The following MICAL2 variants were observed in gnomAD, a reference collection of about 807,000 sequenced individuals.
MICAL2 encodes the protein [F-actin]-monooxygenase MICAL2.
Under a neutral mutation model 127.3 loss-of-function variants are expected in MICAL2, and 77 were observed. The observed-to-expected ratio is 0.60, with a 90% CI of 0.50 to 0.73. The LOEUF (loss-of-function observed/expected upper bound fraction) is 0.73. Among genes scored for constraint, MICAL2 ranks in the 30% least tolerant of loss-of-function variants. The pLI is 0.00. For missense variants in MICAL2, 1,351 were observed against 1,434.4 expected (o/e 0.94, Z 0.94); for synonymous variants, 570 against 551.1 (o/e 1.03, Z -0.48).
At chr11:12,357,961 C>G (rs78624412) in intron 34 of MICAL2, among the ~76,000 whole-genome samples, 3,623 of 152,166 alleles carry the variant, frequency 0.024, 161 homozygotes, top group African/African-American at 0.083. Flanking sequence ...TGGAAACCGC[C>G]TTTTTTGTTG....
intron 15 of MICAL2, among the ~76,000 whole-genome samples, chr11:12,235,219 C>T (rs1858870152): frequency 6.6e-6 from 1 of 152,130 alleles, no homozygotes; most frequent in South Asian, 2.1e-4. Context: ...TCAGTCTTTC[C>T]CACTCCAGCC....
At chr11:12,248,278 G>T (rs1565246286) in intron 21 of MICAL2, among the ~76,000 whole-genome samples, 1 of 152,144 alleles carries the variant, frequency 6.6e-6, no homozygotes, top group Non-Finnish European at 1.5e-5. Flanking sequence ...CAGATCCTTG[G>T]CAGAGTCTGT....
intron 1 of MICAL2, among the ~76,000 whole-genome samples, chr11:12,127,050 G>A (rs750760554): frequency 6.6e-6 from 1 of 152,200 alleles, no homozygotes; most frequent in Non-Finnish European, 1.5e-5. Context: ...GGCTAGGCAG[G>A]TGAGTTTAGG....
At position 12,226,326 on chromosome 11, in the gene MICAL2, C is replaced by T. The variant is rs559345801; in HGVS notation, c.1844C>T (p.Ser615Phe). The change falls in exon 14 of 28, where the codon TCC (serine) becomes TTC (phenylalanine). Residue 615 changes from serine (S) to phenylalanine (F), a missense_variant. Ser to Phe is a radical substitution (Grantham distance 155). This residue lies in a region of MICAL2 where 752 missense variants were observed against 719.4 expected (regional missense o/e 1.05). Transcript: ENST00000683283. ...AAGCTCAGCATGGTCATGTACCTCT[C>T]CAAGTTCTACGAGCTCTTCCGGGGC... is the stretch of plus-strand genomic sequence containing the variant. ...PDKLSMVMYL[S>F]KFYELFRGTP... 1 of 1,614,120 alleles carries T rather than the reference C, an allele frequency of 6.2e-7. No individual in the cohort carries two copies. Among genetic ancestry groups the T allele is most frequent in the Non-Finnish European group, 8.5e-7 (1 of 1,179,984 alleles).
At position 12,137,808 on chromosome 11, in the gene MICAL2, G is replaced by A. The variant is rs535982272; in HGVS notation, c.-148-582G>A. Among the ~76,000 whole-genome samples the A allele has an allele frequency of 1.9e-4, 29 of 152,266 alleles. 1 individual carries two copies. The South Asian group carries it at 6.0e-3, about 32-fold the overall frequency. ...GAAATATTTTGTAACTCTGGGCTTC[G>A]TTTTCCAAACAGGTGTAGAGGCATT... On this transcript the variant is annotated intron_variant, in intron 1 of 27. Transcript: ENST00000683283.
At chr11:12,263,982 C>T (rs140172128), downstream of MICAL2, among the ~76,000 whole-genome samples, 607 of 152,188 alleles carry the variant, frequency 4.0e-3, 5 homozygotes, top group African/African-American at 0.013. Flanking sequence ...ACCAATGCTC[C>T]TGGGCTAGGC....
chr11:12,116,269 C>T (rs544891635), intron 1 of MICAL2, among the ~76,000 whole-genome samples: 1 of 151,438 alleles, frequency 6.6e-6, no homozygotes, highest in South Asian at 2.1e-4. Context: ...TGAGCCACTG[C>T]GCCTGGCCCC....
At chr11:12,112,192 T>C (rs1589946560) in intron 1 of MICAL2, among the ~76,000 whole-genome samples, 1 of 152,164 alleles carries the variant, frequency 6.6e-6, no homozygotes, top group Admixed American at 6.5e-5. Context: ...TGGGAAGTGG[T>C]GTGCTGTGTG....
intron 3 of MICAL2, among the ~76,000 whole-genome samples, chr11:12,194,127 A>T (rs980520087): frequency 6.6e-6 from 1 of 152,200 alleles, no homozygotes; most frequent in Non-Finnish European, 1.5e-5. Flanking sequence ...CATTGGGTAG[A>T]TTGACAGCAC....
At chr11:12,252,319 T>C (rs889937122) in intron 22 of MICAL2, among the ~76,000 whole-genome samples, 4 of 152,138 alleles carry the variant, frequency 2.6e-5, no homozygotes, top group Non-Finnish European at 5.9e-5. Context: ...TCCTAATCCC[T>C]CCCAGGTTGG....
intron 4 of MICAL2, among the ~76,000 whole-genome samples, chr11:12,206,986 C>G (rs1854772101): frequency 6.6e-6 from 1 of 151,416 alleles, no homozygotes; most frequent in East Asian, 1.9e-4. Context: ...TAGACTTGGT[C>G]CATGCTTTCC....
intron 3 of MICAL2, among the ~76,000 whole-genome samples, chr11:12,195,281 A>C (rs1859749601): frequency 6.6e-6 from 1 of 152,182 alleles, no homozygotes. Context: ...AACCAAAACA[A>C]AACCTTGAGC....
intron 33 of MICAL2, among the ~76,000 whole-genome samples, chr11:12,354,313 CT>C (rs780155130): frequency 6.6e-6 from 1 of 152,196 alleles, no homozygotes; most frequent in Non-Finnish European, 1.5e-5. Context: ...CCTGTCTCTA[CT>C]AAAAAGACAA....
chr11:12,204,214 G>A (rs746054440), intron 3 of MICAL2, 36 bp from the exon 4 acceptor site: 13 of 1,599,032 alleles, frequency 8.1e-6, no homozygotes, highest in South Asian at 6.6e-5. Flanking sequence ...GATGCTAGAG[G>A]TTACCAAGAG....
At chr11:12,312,664 A>G (rs988121170) in intron 29 of MICAL2, among the ~76,000 whole-genome samples, 4 of 152,216 alleles carry the variant, frequency 2.6e-5, no homozygotes, top group African/African-American at 9.7e-5. Context: ...AGATCCAAAG[A>G]TAGAGGGAAA....
chr11:12,348,170 A>G (rs1938987107), intron 32 of MICAL2, among the ~76,000 whole-genome samples: 1 of 151,604 alleles, frequency 6.6e-6, no homozygotes, highest in Non-Finnish European at 1.5e-5. Flanking sequence ...AAAAAAAAAA[A>G]AAAAGGCATA....
chr11:12,320,266 C>T (rs140759814), intron 30 of MICAL2, among the ~76,000 whole-genome samples: 1 of 152,322 alleles, frequency 6.6e-6, no homozygotes, highest in Non-Finnish European at 1.5e-5. Flanking sequence ...GACATGGATA[C>T]TCCAAAGATC....
chr11:12,207,880 T>G (rs1854933141), intron 4 of MICAL2, 143 bp from the exon 5 acceptor site: 3 of 660,640 alleles, frequency 4.5e-6, no homozygotes, highest in Non-Finnish European at 8.2e-6. Context: ...GAGCTCTTGG[T>G]GCATAATCCC....
intron 2 of MICAL2, among the ~76,000 whole-genome samples, chr11:12,154,125 C>G (rs1853900731): frequency 1.3e-5 from 2 of 152,214 alleles, no homozygotes. Context: ...TGCAAGGGCC[C>G]TGTAGTCCCT....
Sources: gnomAD v4.1 joint callset for allele counts (sites outside exome capture counted in the v4.1 genomes callset) on GRCh38, gnomAD v4.1.1 for gene constraint, gnomAD v4.1.1 regional missense constraint, MANE v1.5 for transcripts, NCBI Gene and HGNC (gene_info 2026-07-23, HGNC 2026-07-21) for gene names.